The following LPA variants were observed in gnomAD, a reference collection of about 807,000 sequenced individuals.
LPA encodes apolipoprotein(a).
In LPA, 199 loss-of-function variants were observed where a neutral mutation model predicts 197.9. The observed-to-expected ratio is 1.01, with a 90% confidence interval of 0.90 to 1.13. The LOEUF (loss-of-function observed/expected upper bound fraction) is 1.13. Ranked by LOEUF, LPA falls within the 50% of genes most tolerant of loss-of-function variation. The pLI is 0.00. For missense variants in LPA, 1,853 were observed against 1,785.8 expected, an observed-to-expected ratio of 1.04 and a Z score of -0.68; for synonymous variants, 715 against 639.5, an observed-to-expected ratio of 1.12 and a Z score of -1.78.
rs774652725 is a variant in LPA at position 160,577,252 on chromosome 6, A to G, written c.4515T>C (p.Gly1505=). 17 of 1,613,736 alleles carry G rather than the reference A, an allele frequency of 1.1e-5. No homozygotes were observed. Among genetic ancestry groups the G allele is most frequent in the South Asian group, 7.7e-5 (7 of 91,060 alleles). The change falls in exon 28 of 39, where the codon GGT becomes GGC. Residue 1505 remains glycine (G), a synonymous_variant. Coordinates refer to ENST00000316300, the MANE Select transcript of LPA (RefSeq NM_005577.4). ...ATATGCCTCGATAACTCCGTCCATC[A>G]CCATGGTAGCAATCCTGGACCACAG... ...KSPVVQDCYH[G]DGRSYRGISS... is the part of the protein sequence containing the mutation.
At chr6:160,586,386 G>T in intron 25 of LPA, 63 bp downstream of exon 25, 2 of 1,589,258 alleles carry the variant, frequency 1.3e-6, no homozygotes, top group East Asian at 4.5e-5. Flanking sequence ...GCATCACAAA[G>T]ATTTTGCAAA....
chr6:160,542,573 A>T (rs763196528), intron 34 of LPA, 115 bp downstream of exon 34: 1 of 1,488,294 alleles, frequency 6.7e-7, no homozygotes, highest in Non-Finnish European at 9.1e-7. Context: ...CCTCCTTCAG[A>T]AAACAGAGAG....
intron 1 of LPA, among the ~76,000 whole-genome samples, chr6:160,662,620 G>A (rs1242221096): frequency 6.6e-6 from 1 of 151,992 alleles, no homozygotes; most frequent in African/African-American, 2.4e-5. Context: ...TAGTTTCCAT[G>A]GGCTGAAATA....
At chr6:160,547,099 C>T (rs185774463) in intron 32 of LPA, among the ~76,000 whole-genome samples, 1 of 152,224 alleles carries the variant, frequency 6.6e-6, no homozygotes, top group East Asian at 1.9e-4. Flanking sequence ...GACTCAAGTA[C>T]CTTCCATTTA....
chr6:160,601,110 A>G lies in LPA; in HGVS notation c.2946-12T>C. On this transcript the variant is annotated splice_polypyrimidine_tract_variant and intron_variant, in intron 18 of 38. Transcript: ENST00000316300. ...TCTTGATCAAGCCACTGGAAATTCC[A>G]AAAGAATACACATCACAAAAAATGG... 1.2e-6 allele frequency: 2 copies of G among 1,613,912 alleles called. No homozygotes were observed.
intron 28 of LPA, among the ~76,000 whole-genome samples, chr6:160,571,413 G>C (rs1465590928): frequency 6.6e-6 from 1 of 152,174 alleles, no homozygotes; most frequent in African/African-American, 2.4e-5. Context: ...TGTGTTGGGG[G>C]ATCTGGTGCT....
intron 26 of LPA, among the ~76,000 whole-genome samples, chr6:160,584,844 A>G (rs1583597183): frequency 6.6e-6 from 1 of 152,162 alleles, no homozygotes; most frequent in East Asian, 1.9e-4. Flanking sequence ...TGCTGCTTCC[A>G]TCAAATTGTT....
At chr6:160,575,673 G>A (rs748939341) in intron 28 of LPA, among the ~76,000 whole-genome samples, 8 of 152,134 alleles carry the variant, frequency 5.3e-5, no homozygotes, top group Non-Finnish European at 1.2e-4. Flanking sequence ...GATTTGCAAT[G>A]AGGTCTCTTT....
intron 18 of LPA, among the ~76,000 whole-genome samples, chr6:160,604,751 G>T (rs1333613936): frequency 1.3e-5 from 2 of 152,140 alleles, no homozygotes; most frequent in Non-Finnish European, 2.9e-5. Flanking sequence ...ACCTTAGTGG[G>T]TGTTGTGGAA....
chr6:160,634,621 A>G (rs568778679), intron 7 of LPA, among the ~76,000 whole-genome samples: 1 of 149,468 alleles, frequency 6.7e-6, no homozygotes, highest in South Asian at 2.1e-4. Flanking sequence ...GAAGAGCCTT[A>G]GAGCATTGGG....
intron 18 of LPA, 105 bp from the exon 19 acceptor site, chr6:160,601,203 C>A: frequency 1.1e-6 from 1 of 949,520 alleles, no homozygotes; most frequent in East Asian, 2.4e-5. Flanking sequence ...GAAATATTCC[C>A]AAAAGAGATA....
At chr6:160,609,893 C>T (rs1468508249) in intron 16 of LPA, among the ~76,000 whole-genome samples, 2 of 151,914 alleles carry the variant, frequency 1.3e-5, no homozygotes, top group Non-Finnish European at 1.5e-5. Context: ...TTAATTTTTT[C>T]TTCTGAAACA....
intron 2 of LPA, among the ~76,000 whole-genome samples, chr6:160,646,816 G>T (rs1186587791): frequency 2.7e-5 from 4 of 149,124 alleles, no homozygotes; most frequent in Non-Finnish European, 5.9e-5. Context: ...TATCTCTCTC[G>T]GTAGGACTTC....
intron 28 of LPA, among the ~76,000 whole-genome samples, chr6:160,566,444 G>C (rs1778456305): frequency 2.0e-5 from 3 of 152,138 alleles, no homozygotes; most frequent in African/African-American, 7.2e-5. Flanking sequence ...CAAATGCTGA[G>C]AGATTTTGTC....
chr6:160,655,881 T>C (rs1157273191), intron 1 of LPA, among the ~76,000 whole-genome samples: 1 of 152,146 alleles, frequency 6.6e-6, no homozygotes, highest in Admixed American at 6.5e-5. Flanking sequence ...GACACAAAGC[T>C]GGAGAGTTGA....
At chr6:160,577,055 G>A in intron 28 of LPA, 81 bp downstream of exon 28, 1 of 1,545,834 alleles carries the variant, frequency 6.5e-7, no homozygotes, top group South Asian at 1.1e-5. Context: ...TTGTCCCTAG[G>A]AAGTGAGCTT....
chr6:160,535,416 G>C (rs556482521), intron 37 of LPA, among the ~76,000 whole-genome samples: 5 of 109,040 alleles, frequency 4.6e-5, no homozygotes, highest in African/African-American at 1.4e-4. Flanking sequence ...GTGGGACAGT[G>C]GTGATGGTGA....
rs1422436167 is a variant in LPA, at chr6:160,545,650, TC to T, written c.5305-118del. On this transcript the variant is annotated intron_variant, in intron 32 of 38. Transcript: ENST00000316300. ...GAAGACAAAAGGGAGCGTTCCTTCT[TC>T]CTTTCTATCATTATTATATTTTTTG... 13 of 734,372 alleles carry T rather than the reference TC, an allele frequency of 1.8e-5. No individual in the cohort carries two copies. The Admixed American group carries it at 2.7e-4, about 15-fold the overall frequency. The allele number at this position is 734,372 out of a possible 1,614,324, so 45.5% of individuals were successfully genotyped here. A position where few individuals can be genotyped will look rare whatever the true frequency, so the allele number is the denominator to read the frequency against.
Position 160,537,892 on chromosome 6 carries a change from C to T in LPA, c.5805G>A (p.Arg1935=), listed in dbSNP as rs775287178. Residue 1935 remains arginine, a synonymous_variant, in exon 37 of 39, where the codon AGG becomes AGA. Transcript: ENST00000316300. ...CCCAGCCAGTGATGTAACATTCAGT[C>T]CTGGCGGTGACCATGTAGTCTGGGG... ...LPSPDYMVTA[R]TECYITGWGE... 9.9e-6 allele frequency: 16 copies of T among 1,614,128 alleles called. No homozygotes were observed. The highest frequency in any genetic ancestry group is 5.0e-5 in the Admixed American group (3 of 60,008).
Sources: gnomAD v4.1 joint callset for allele counts (sites outside exome capture counted in the v4.1 genomes callset) on GRCh38, gnomAD v4.1.1 for gene constraint, MANE v1.5 for transcripts, NCBI Gene and HGNC (gene_info 2026-07-23, HGNC 2026-07-21) for gene names.